DCC: variants seen among roughly 807,000 people sequenced by gnomAD.
The protein encoded by DCC is DCC netrin 1 receptor.
Under a neutral mutation model 172.5 loss-of-function variants are expected in DCC, and 58 were observed. The observed-to-expected ratio is 0.34, with a 90% CI of 0.27 to 0.42. The LOEUF is 0.42. Among genes scored for constraint, DCC ranks in the 10% least tolerant of loss-of-function variants. DCC has a pLI of 1.00. For missense variants in DCC, 1,740 were observed against 1,791.0 expected (o/e 0.97, Z 0.51); for synonymous variants, 709 against 644.5 (o/e 1.10, Z -1.52).
chr18:53,508,262 A>T (rs2046207833), intron 27 of DCC, among the ~76,000 whole-genome samples: 1 of 149,210 alleles, frequency 6.7e-6, no homozygotes, highest in African/African-American at 2.5e-5. Context: ...GCTCAATCAC[A>T]GCTCACTGAA....
At chr18:52,445,073 C>G (rs147965804) in intron 1 of DCC, among the ~76,000 whole-genome samples, 5,508 of 152,088 alleles carry the variant, frequency 0.036, 168 homozygotes, top group South Asian at 0.12. Context: ...GAAACAAACA[C>G]AGGAGCTATT....
chr18:53,157,591 A>G lies in DCC; in HGVS notation c.1418+79A>G, dbSNP rs1024883202. 2.8e-5 allele frequency: 41 copies of G among 1,473,868 alleles called. No individual in the cohort carries two copies. The African/African-American group carries it at 4.9e-4, about 17-fold the overall frequency. The allele number at this position is 1,473,868 out of a possible 1,614,324, so 91.3% of individuals were successfully genotyped here. A position where few individuals can be genotyped will look rare whatever the true frequency, so the allele number is the denominator to read the frequency against. ...TACGGTTGGGTAATGGCAGGAGGAGATCTTGGGCAGGAACTTTGGAGAGGC... is the reference window on the plus strand; with the variant it reads ...TACGGTTGGGTAATGGCAGGAGGAGGTCTTGGGCAGGAACTTTGGAGAGGC... On this transcript the variant is annotated intron_variant, in intron 8 of 28. Coordinates refer to ENST00000442544, the MANE Select transcript of DCC (RefSeq NM_005215.4).
chr18:53,384,632 T>C (rs1908003692), intron 15 of DCC, among the ~76,000 whole-genome samples: 1 of 152,120 alleles, frequency 6.6e-6, no homozygotes, highest in Admixed American at 6.6e-5. Context: ...TTATGCCACC[T>C]CATTTCTGAG....
At chr18:52,403,769 T>TTCA (rs1986530296) in intron 1 of DCC, among the ~76,000 whole-genome samples, 1 of 152,042 alleles carries the variant, frequency 6.6e-6, no homozygotes, top group African/African-American at 2.4e-5. Context: ...TGCTGCTAAT[T>TTCA]CAATAGCATA....
intron 2 of DCC, among the ~76,000 whole-genome samples, chr18:52,792,768 C>CCA (rs1405177339): frequency 5.0e-4 from 50 of 99,916 alleles, no homozygotes; most frequent in Admixed American, 7.9e-4. Flanking sequence ...CTATTCCATT[C>CCA]TATTCCATTC....
intron 2 of DCC, among the ~76,000 whole-genome samples, chr18:52,798,607 A>C (rs1307077633): frequency 6.6e-6 from 1 of 152,182 alleles, no homozygotes. Context: ...TAATTGGCCA[A>C]AGATTATTTA....
At chr18:52,421,112 T>C (rs933009260) in intron 1 of DCC, among the ~76,000 whole-genome samples, 15 of 152,132 alleles carry the variant, frequency 9.9e-5, no homozygotes, top group African/African-American at 3.4e-4. Context: ...GGGGGAAACA[T>C]AGAAAAGTTA....
chr18:53,413,086 C>T (rs1375633887), intron 20 of DCC, among the ~76,000 whole-genome samples: 1 of 152,116 alleles, frequency 6.6e-6, no homozygotes, highest in African/African-American at 2.4e-5. Flanking sequence ...GTGGGTTTTT[C>T]CTGCTGATAA....
intron 1 of DCC, among the ~76,000 whole-genome samples, chr18:52,670,257 C>T (rs2035528189): frequency 6.6e-6 from 1 of 152,076 alleles, no homozygotes. Flanking sequence ...TCAATTTTAC[C>T]TCTTCAAAGT....
intron 20 of DCC, among the ~76,000 whole-genome samples, 186 bp from the exon 21 acceptor site, chr18:53,415,938 A>AT (rs770135011): frequency 8.0e-4 from 121 of 151,928 alleles, no homozygotes; most frequent in Non-Finnish European, 1.6e-3. Context: ...ATTATTTTCA[A>AT]TTTTTTTTCT....
chr18:52,914,277 T>C (rs1376488369), intron 3 of DCC, among the ~76,000 whole-genome samples: 1 of 152,024 alleles, frequency 6.6e-6, no homozygotes, highest in Non-Finnish European at 1.5e-5. Context: ...AGACTTAAAA[T>C]TTGCTGTGAG....
At chr18:52,514,687 G>A (rs2031564357) in intron 1 of DCC, among the ~76,000 whole-genome samples, 1 of 152,170 alleles carries the variant, frequency 6.6e-6, no homozygotes, top group African/African-American at 2.4e-5. Context: ...TTTTCCATAT[G>A]CCTTTCAAAT....
chr18:53,151,232 G>T (rs1360197068), intron 7 of DCC, among the ~76,000 whole-genome samples: 1 of 152,128 alleles, frequency 6.6e-6, no homozygotes, highest in Non-Finnish European at 1.5e-5. Context: ...ATAGGTATCT[G>T]GAAACAGAAT....
intron 7 of DCC, among the ~76,000 whole-genome samples, chr18:53,133,851 T>C (rs2043696567): frequency 6.6e-6 from 1 of 152,130 alleles, no homozygotes; most frequent in African/African-American, 2.4e-5. Flanking sequence ...TAATGCCAGC[T>C]ATGAAAAGCT....
chr18:53,498,330 T>C (rs1038064878), intron 26 of DCC, among the ~76,000 whole-genome samples: 4 of 151,804 alleles, frequency 2.6e-5, no homozygotes, highest in African/African-American at 9.7e-5. Flanking sequence ...AGATATTATC[T>C]TATATCACTG....
At chr18:53,422,960 G>A (rs190597072) in intron 21 of DCC, among the ~76,000 whole-genome samples, 99 of 152,248 alleles carry the variant, frequency 6.5e-4, no homozygotes, top group African/African-American at 2.3e-3. Flanking sequence ...TTAGGACTGT[G>A]GTGAAACAGT....
chr18:52,533,917 A>T (rs966191091), intron 1 of DCC, among the ~76,000 whole-genome samples: 2 of 151,684 alleles, frequency 1.3e-5, no homozygotes, highest in Non-Finnish European at 1.5e-5. Context: ...TGCTGTTACT[A>T]TTTTTTTTAT....
At chr18:52,638,777 C>A (rs1272526076) in intron 1 of DCC, among the ~76,000 whole-genome samples, 1 of 152,086 alleles carries the variant, frequency 6.6e-6, no homozygotes, top group Non-Finnish European at 1.5e-5. Context: ...AATACTCCAC[C>A]AACTGCACTA....
intron 11 of DCC, 133 bp from the exon 12 acceptor site, chr18:53,215,415 C>T (rs770763724): frequency 1.2e-5 from 9 of 772,974 alleles, no homozygotes; most frequent in Non-Finnish European, 2.1e-5. Context: ...TTTTGAAGTA[C>T]TACCTGGGTT....
Sources: gnomAD v4.1 joint callset for allele counts (sites outside exome capture counted in the v4.1 genomes callset) on GRCh38, gnomAD v4.1.1 for gene constraint, MANE v1.5 for transcripts, NCBI Gene and HGNC (gene_info 2026-07-23, HGNC 2026-07-21) for gene names.